The following MYO1D variants were observed in gnomAD, a reference collection of about 807,000 sequenced individuals.
MYO1D encodes myosin ID.
A neutral mutation model predicts 122.0 loss-of-function variants in MYO1D; 83 were observed. The ratio of observed to expected loss-of-function variants is 0.68; its 90% confidence interval spans 0.57 to 0.82. The LOEUF is 0.82. MYO1D is among the 40% of genes least tolerant of loss of function. The probability of loss-of-function intolerance (pLI) is 0.00; values close to 1 mark genes in which losing one functional copy is unlikely to be tolerated. For synonymous variants in MYO1D, 464 were observed against 446.9 expected (o/e 1.04, Z -0.48); for missense variants, 1,157 against 1,269.5 (o/e 0.91, Z 1.35).
intron 20 of MYO1D, among the ~76,000 whole-genome samples, chr17:32,628,197 A>C (rs1057109693): frequency 1.3e-5 from 2 of 152,236 alleles, no homozygotes; most frequent in Non-Finnish European, 2.9e-5. Flanking sequence ...TAACAATTTT[A>C]CAACTAATGC....
At chr17:32,807,584 T>G (rs1378404596) in intron 1 of MYO1D, among the ~76,000 whole-genome samples, 3 of 152,146 alleles carry the variant, frequency 2.0e-5, no homozygotes, top group Non-Finnish European at 2.9e-5. Flanking sequence ...TCTGCGGGAG[T>G]TAGGCAAGGC....
At chr17:32,849,428 A>G (rs1368587602) in intron 1 of MYO1D, among the ~76,000 whole-genome samples, 1 of 149,042 alleles carries the variant, frequency 6.7e-6, no homozygotes, top group Non-Finnish European at 1.5e-5. Context: ...ATGTCCAACA[A>G]TGATAGACTG....
At chr17:32,594,133 CATG>C (rs1196388355) in intron 21 of MYO1D, 1 of 154,678 alleles carries the variant, frequency 6.5e-6, no homozygotes, top group African/African-American at 2.4e-5. Flanking sequence ...AAAAGGTCAT[CATG>C]ATAACAAAGT....
intron 21 of MYO1D, among the ~76,000 whole-genome samples, chr17:32,577,716 T>G (rs1162563847): frequency 6.6e-6 from 1 of 151,888 alleles, no homozygotes; most frequent in Non-Finnish European, 1.5e-5. Flanking sequence ...GACAGAACTT[T>G]CAAGATTCAG....
At position 32,541,773 on chromosome 17, in the gene MYO1D, C is replaced by T. The variant is rs1389602932; in HGVS notation, c.2865-46858G>A. 2.0e-5 allele frequency among the ~76,000 whole-genome samples: 3 copies of T among 152,236 alleles called. No individual in the cohort carries two copies. The East Asian group carries it at 5.8e-4, about 29-fold the overall frequency. Reference sequence around the variant, plus strand: ...ATTATTCACCTGGCATTTGAAGCTTCCTAGGACTAGGCCCCTGCCTATCTC... The same window carrying T: ...ATTATTCACCTGGCATTTGAAGCTTTCTAGGACTAGGCCCCTGCCTATCTC... On this transcript the variant is annotated intron_variant, in intron 21 of 21. Coordinates refer to ENST00000318217, the MANE Select transcript of MYO1D (RefSeq NM_015194.3).
At chr17:32,836,302 G>A (rs1258246622) in intron 1 of MYO1D, among the ~76,000 whole-genome samples, 3 of 152,202 alleles carry the variant, frequency 2.0e-5, no homozygotes, top group Non-Finnish European at 4.4e-5. Context: ...TAAGTGACTT[G>A]CTCAAGGCCA....
chr17:32,674,523 T>C (rs1251951806), intron 16 of MYO1D, among the ~76,000 whole-genome samples: 1 of 152,154 alleles, frequency 6.6e-6, no homozygotes, highest in Non-Finnish European at 1.5e-5. Flanking sequence ...ACATTAAGAA[T>C]AGGTTTTTTT....
intron 1 of MYO1D, among the ~76,000 whole-genome samples, chr17:32,829,923 T>C (rs1401557597): frequency 2.6e-5 from 4 of 152,216 alleles, no homozygotes; most frequent in Non-Finnish European, 5.9e-5. Context: ...ATCTCTTCTA[T>C]GAATAATTTA....
chr17:32,740,527 G>A (rs1466341587), intron 13 of MYO1D, among the ~76,000 whole-genome samples: 1 of 152,168 alleles, frequency 6.6e-6, no homozygotes, highest in Non-Finnish European at 1.5e-5. Flanking sequence ...CACCTAGGCT[G>A]GAGTGCAGTG....
At chr17:32,859,507 C>T (rs1194101059) in intron 1 of MYO1D, among the ~76,000 whole-genome samples, 6 of 152,178 alleles carry the variant, frequency 3.9e-5, no homozygotes, top group Admixed American at 3.9e-4. Flanking sequence ...TGCTGTGCCC[C>T]AACCCAATGG....
intron 16 of MYO1D, among the ~76,000 whole-genome samples, chr17:32,695,261 CA>C (rs1269504363): frequency 6.6e-6 from 1 of 152,222 alleles, no homozygotes; most frequent in Non-Finnish European, 1.5e-5. Context: ...CGCAGTTCAC[CA>C]TAGGCTTCAT....
intron 14 of MYO1D, among the ~76,000 whole-genome samples, chr17:32,733,413 G>A (rs1372449395): frequency 6.6e-6 from 1 of 152,184 alleles, no homozygotes; most frequent in East Asian, 1.9e-4. Context: ...GATAGTATGA[G>A]TTTGGGTTGC....
intron 16 of MYO1D, among the ~76,000 whole-genome samples, chr17:32,711,631 G>C (rs993468790): frequency 2.0e-5 from 3 of 151,746 alleles, no homozygotes; most frequent in African/African-American, 7.3e-5. Context: ...AGGTGACATA[G>C]TGAGACTCCG....
intron 21 of MYO1D, among the ~76,000 whole-genome samples, chr17:32,535,087 C>A (rs1043469984): frequency 2.6e-5 from 4 of 151,870 alleles, no homozygotes; most frequent in African/African-American, 4.8e-5. Flanking sequence ...TTGGTGTGGA[C>A]CTGAGAATAT....
intron 1 of MYO1D, among the ~76,000 whole-genome samples, chr17:32,839,261 G>A (rs1477749992): frequency 6.6e-6 from 1 of 152,094 alleles, no homozygotes; most frequent in Non-Finnish European, 1.5e-5. Context: ...GTTAAACAGA[G>A]GTATACCTTG....
chr17:32,651,816 C>T (rs2088395072), intron 19 of MYO1D, among the ~76,000 whole-genome samples: 10 of 151,840 alleles, frequency 6.6e-5, no homozygotes. Flanking sequence ...GCTGGGACTA[C>T]AGGTGCACAC....
chr17:32,861,495 A>C (rs1274487862), intron 1 of MYO1D, among the ~76,000 whole-genome samples: 1 of 152,188 alleles, frequency 6.6e-6, no homozygotes. Context: ...TAAATGAAAG[A>C]AAGCCCAGAT....
At chr17:32,594,516 T>C (rs762154405) in intron 21 of MYO1D, 7 of 614,090 alleles carry the variant, frequency 1.1e-5, no homozygotes, top group East Asian at 8.5e-5. Context: ...GGCCTGTTTA[T>C]GTAGAATCTA....
intron 1 of MYO1D, among the ~76,000 whole-genome samples, chr17:32,850,870 G>A (rs900222254): frequency 3.3e-5 from 5 of 152,054 alleles, no homozygotes; most frequent in East Asian, 1.9e-4. Context: ...TCTCATTTAT[G>A]AGAGAATAAA....
Sources: allele counts gnomAD v4.1 joint callset (sites outside exome capture counted in the v4.1 genomes callset), GRCh38; gene constraint gnomAD v4.1.1; transcripts MANE v1.5; gene names NCBI Gene and HGNC (gene_info 2026-07-23, HGNC 2026-07-21).